Variants in RNF138 observed in about 807,000 individuals in gnomAD.
RNF138 encodes ring finger protein 138, also known as E3 ubiquitin-protein ligase RNF138.
In RNF138, 12 loss-of-function variants were observed where a neutral mutation model predicts 31.0. The observed-to-expected ratio is 0.39, with a 90% confidence interval of 0.25 to 0.63. The LOEUF is 0.63. Ranked by LOEUF, RNF138 falls within the 20% of genes least tolerant of loss-of-function variation. The probability of loss-of-function intolerance (pLI) is 0.52; values close to 1 mark genes in which losing one functional copy is unlikely to be tolerated. For missense variants in RNF138, 192 were observed against 300.1 expected (o/e 0.64, Z 2.66); for synonymous variants, 105 against 99.5 (o/e 1.06, Z -0.33).
At chr18:32,120,668 A>AATG (rs1289334034) in intron 4 of RNF138, among the ~76,000 whole-genome samples, 1 of 152,198 alleles carries the variant, frequency 6.6e-6, no homozygotes, top group Non-Finnish European at 1.5e-5. Flanking sequence ...GAAGAACTAG[A>AATG]ATGATGATGA....
chr18:32,115,452 G>T (rs1286918540), intron 4 of RNF138, among the ~76,000 whole-genome samples: 1 of 151,938 alleles, frequency 6.6e-6, no homozygotes, highest in Non-Finnish European at 1.5e-5. Context: ...AAGTATAAAA[G>T]ACAAAATTCT....
At position 32,129,219 on chromosome 18, in the gene RNF138, G is replaced by A. The variant is rs767356050; in HGVS notation, c.*32G>A. The A allele has an allele frequency of 4.8e-6, 7 of 1,461,202 alleles. No individual in the cohort carries two copies. In the South Asian group the frequency reaches 6.8e-5, roughly 14 times the overall value. 90.5% of individuals were successfully genotyped at this position (1,461,202 alleles called of 1,614,324 possible). On this transcript the variant is annotated 3_prime_UTR_variant, in exon 8 of 8. Coordinates refer to ENST00000261593, the MANE Select transcript of RNF138 (RefSeq NM_016271.5). The stretch of plus-strand genomic sequence containing the variant: ...TAGACATCTCTGCATCTTTGTACCT[G>A]CAAGTGCCATCTTTAAGGGGGAAAC...
chr18:32,094,135 C>T (rs140320541), intron 2 of RNF138, among the ~76,000 whole-genome samples: 16 of 152,204 alleles, frequency 1.1e-4, no homozygotes, highest in African/African-American at 3.6e-4. Flanking sequence ...TTGAAAGTTA[C>T]GTGTGTTTGC....
rs538936587 is a variant in RNF138 at position 32,104,252 on chromosome 18, A to T, written c.111-7502A>T. Among the ~76,000 whole-genome samples, 20 of 151,898 alleles carry T rather than the reference A, an allele frequency of 1.3e-4. No homozygotes were observed. In the East Asian group the frequency reaches 2.1e-3, roughly 16 times the overall value. ...GGTCTCGAACTCCTGAGGTCAAATG[A>T]TCCCCCCACTTCGGCGTCCCAAAGG... is the stretch of plus-strand genomic sequence containing the variant. On this transcript the variant is annotated intron_variant, in intron 2 of 7. Transcript: ENST00000261593.
intron 7 of RNF138, among the ~76,000 whole-genome samples, chr18:32,127,130 T>TA (rs1383058800): frequency 6.6e-6 from 1 of 152,138 alleles, no homozygotes; most frequent in Non-Finnish European, 1.5e-5. Flanking sequence ...TGGTACAACA[T>TA]ATGGAGGATG....
rs900609616 is a variant in RNF138, at chr18:32,130,930, A to C, written c.*1743A>C. 4 of 152,450 alleles carry C rather than the reference A, an allele frequency of 2.6e-5. No homozygotes were observed. The highest frequency in any genetic ancestry group is 7.2e-5 in the African/African-American group (3 of 41,430). The allele number at this position is 152,450 out of a possible 1,614,324, so 9.4% of individuals were successfully genotyped here. ...CAGCTCCTTTTTAAGACTTTTGACC[A>C]TAGTGTTTTCCAGTTTAAAGCAATA... On this transcript the variant is annotated 3_prime_UTR_variant, in exon 8 of 8. Coordinates refer to ENST00000261593, the MANE Select transcript of RNF138 (RefSeq NM_016271.5).
intron 7 of RNF138, among the ~76,000 whole-genome samples, chr18:32,128,365 C>G (rs2040416790): frequency 6.6e-6 from 1 of 152,210 alleles, no homozygotes; most frequent in South Asian, 2.1e-4. Flanking sequence ...TGGCAAAACC[C>G]TGTCTCTACT....
intron 4 of RNF138, among the ~76,000 whole-genome samples, chr18:32,114,795 AT>A (rs1473824412): frequency 1.3e-5 from 2 of 152,154 alleles, no homozygotes; most frequent in Admixed American, 6.6e-5. Context: ...CATATTGCTA[AT>A]TTTTAGTAAC....
chr18:32,123,522 A>G lies in RNF138; in HGVS notation c.397A>G (p.Arg133Gly), dbSNP rs1330533554. The stretch of plus-strand genomic sequence containing the variant: ...TTTTCCCCTGTGCTTCTTAAGCAAT[A>G]GGAGTGAAACATCCACATCTGATAA... ...ISQDSVGNSN[R>G]SETSTSDNTE... Residue 133 changes from arginine to glycine, a missense_variant, in exon 5 of 8, where the codon AGG (arginine) becomes GGG (glycine). This residue lies in a region of RNF138 where 140 missense variants were observed against 251.7 expected (regional missense o/e 0.56). Coordinates refer to ENST00000261593, the MANE Select transcript of RNF138 (RefSeq NM_016271.5). 6.3e-7 allele frequency: 1 copy of G among 1,582,714 alleles called. No homozygotes were observed. Among genetic ancestry groups the G allele is most frequent in the Non-Finnish European group, 8.6e-7 (1 of 1,166,726 alleles).
intron 2 of RNF138, among the ~76,000 whole-genome samples, chr18:32,095,367 T>C (rs1251691228): frequency 6.6e-6 from 1 of 152,112 alleles, no homozygotes; most frequent in Non-Finnish European, 1.5e-5. Context: ...AGACAGGGCC[T>C]CACTACGTTG....
At chr18:32,117,962 C>T (rs1263326240) in intron 4 of RNF138, among the ~76,000 whole-genome samples, 1 of 152,116 alleles carries the variant, frequency 6.6e-6, no homozygotes, top group Non-Finnish European at 1.5e-5. Flanking sequence ...TCAATTTTAT[C>T]CTCCTTGGAA....
chr18:32,113,142 G>T (rs185410102), intron 3 of RNF138, among the ~76,000 whole-genome samples: 1 of 152,008 alleles, frequency 6.6e-6, no homozygotes, highest in Non-Finnish European at 1.5e-5. Context: ...GCACAATCTC[G>T]GCTCACTGCA....
intron 4 of RNF138, among the ~76,000 whole-genome samples, chr18:32,120,275 CA>C (rs1207104667): frequency 1.2e-4 from 18 of 152,222 alleles, no homozygotes; most frequent in Admixed American, 3.3e-4. Flanking sequence ...TTACTCAAAT[CA>C]GAATCATGTA....
intron 7 of RNF138, 95 bp from the exon 8 acceptor site, chr18:32,129,024 A>G (rs185012251): frequency 1.0e-5 from 8 of 776,028 alleles, no homozygotes; most frequent in African/African-American, 1.8e-5. Flanking sequence ...GTGTGTCAAG[A>G]TGTGTAATGT....
At chr18:32,124,559 G>T (rs1459901621) in intron 5 of RNF138, 175 bp from the exon 6 acceptor site, 1 of 538,960 alleles carries the variant, frequency 1.9e-6, no homozygotes, top group East Asian at 3.0e-5. Flanking sequence ...ACTGAGATTG[G>T]GAACCTCTGT....
intron 2 of RNF138, among the ~76,000 whole-genome samples, chr18:32,107,778 A>G (rs530414005): frequency 1.3e-5 from 2 of 151,692 alleles, no homozygotes; most frequent in South Asian, 4.2e-4. Context: ...CAGCCTCCCA[A>G]AGTGCTGGGA....
intron 5 of RNF138, 118 bp from the exon 6 acceptor site, chr18:32,124,616 G>A (rs761586972): frequency 3.2e-6 from 2 of 619,456 alleles, no homozygotes; most frequent in Non-Finnish European, 5.8e-6. Flanking sequence ...GAGAATCTTT[G>A]AATAGTCTAA....
At chr18:32,094,650 C>G (rs954079735) in intron 2 of RNF138, among the ~76,000 whole-genome samples, 4 of 151,956 alleles carry the variant, frequency 2.6e-5, no homozygotes, top group African/African-American at 9.7e-5. Context: ...CAATATAGAT[C>G]TTCCACCTTT....
At chr18:32,116,842 T>A (rs1360113491) in intron 4 of RNF138, among the ~76,000 whole-genome samples, 1 of 150,338 alleles carries the variant, frequency 6.7e-6, no homozygotes, top group South Asian at 2.1e-4. Flanking sequence ...GCCTTGGCCT[T>A]CCAAAGTGCT....
Sources: gnomAD v4.1 joint callset for allele counts (sites outside exome capture counted in the v4.1 genomes callset) on GRCh38, gnomAD v4.1.1 for gene constraint, gnomAD v4.1.1 regional missense constraint, MANE v1.5 for transcripts, NCBI Gene and HGNC (gene_info 2026-07-23, HGNC 2026-07-21) for gene names.